Variants in PTPRN2 observed in about 807,000 individuals in gnomAD.
PTPRN2 encodes receptor-type tyrosine-protein phosphatase N2.
In PTPRN2, 74 loss-of-function variants were observed where a neutral mutation model predicts 118.8. That is an observed-to-expected ratio of 0.62 (90% CI 0.52 to 0.76). The LOEUF (loss-of-function observed/expected upper bound fraction) is 0.76. Ranked by LOEUF, PTPRN2 falls within the 30% of genes least tolerant of loss-of-function variation. The pLI is 0.00. For missense variants in PTPRN2, 1,481 were observed against 1,394.4 expected (o/e 1.06, Z -0.99); for synonymous variants, 641 against 608.0 (o/e 1.05, Z -0.80).
At chr7:158,377,576 T>C (rs1220468348) in intron 2 of PTPRN2, among the ~76,000 whole-genome samples, 1 of 152,056 alleles carries the variant, frequency 6.6e-6, no homozygotes, top group Non-Finnish European at 1.5e-5. Flanking sequence ...TGGCTCGGCT[T>C]GGGGGTGGAA....
chr7:158,502,962 TGTCC>T (rs1822478424), intron 1 of PTPRN2, among the ~76,000 whole-genome samples: 1 of 129,616 alleles, frequency 7.7e-6, no homozygotes, highest in Non-Finnish European at 1.6e-5. Flanking sequence ...TCAACTACTG[TGTCC>T]ATCAGCCACT....
rs1800651505 is a variant in PTPRN2, at chr7:157,585,990, A to C, written c.2497-7850T>G. Among the ~76,000 whole-genome samples, 1 of 152,218 alleles carries C rather than the reference A, an allele frequency of 6.6e-6. No individual in the cohort carries two copies. The highest frequency in any genetic ancestry group is 6.5e-5 in the Admixed American group (1 of 15,288). ...ACAAGCTTTGAGGTCATAGGTTTCA[A>C]ACCCAAAATTTAGATAAGGCAACGT... is the stretch of plus-strand genomic sequence containing the variant. On this transcript the variant is annotated intron_variant, in intron 17 of 22. Coordinates refer to ENST00000389418, the MANE Select transcript of PTPRN2 (RefSeq NM_002847.5). The surrounding 1 kb of genome is among the most constrained non-coding windows in gnomAD (Gnocchi z 5.2).
intron 19 of PTPRN2, among the ~76,000 whole-genome samples, chr7:157,573,290 A>T (rs559254182): frequency 2.2e-4 from 33 of 152,382 alleles, no homozygotes; most frequent in African/African-American, 7.5e-4. Flanking sequence ...CTATCAGACC[A>T]AATGGTGAGT....
At chr7:157,713,555 C>T (rs1798757190) in intron 12 of PTPRN2, among the ~76,000 whole-genome samples, 1 of 152,158 alleles carries the variant, frequency 6.6e-6, no homozygotes, top group Non-Finnish European at 1.5e-5. Flanking sequence ...GCAAGAAATG[C>T]CATCAGCAAA....
At chr7:158,241,477 G>A (rs1795902283) in intron 3 of PTPRN2, among the ~76,000 whole-genome samples, 1 of 152,070 alleles carries the variant, frequency 6.6e-6, no homozygotes, top group Non-Finnish European at 1.5e-5. Flanking sequence ...TCACACCACT[G>A]CATTCCAGCC....
intron 12 of PTPRN2, among the ~76,000 whole-genome samples, chr7:157,882,644 C>A (rs1796207063): frequency 1.3e-5 from 2 of 151,632 alleles, no homozygotes; most frequent in Non-Finnish European, 2.9e-5. Flanking sequence ...GAACACACCA[C>A]CCCAAAAAGA....
At chr7:158,095,042 T>G (rs1476506521) in intron 10 of PTPRN2, among the ~76,000 whole-genome samples, 3 of 152,122 alleles carry the variant, frequency 2.0e-5, no homozygotes, top group Non-Finnish European at 4.4e-5. Context: ...GAGGAGCCGC[T>G]GGGTCCTGTA....
At chr7:158,510,443 ACTCTCTCTCT>A (rs10581746) in intron 1 of PTPRN2, among the ~76,000 whole-genome samples, 1,644 of 147,602 alleles carry the variant, frequency 0.011, 25 homozygotes, top group African/African-American at 0.036. Flanking sequence ...GTGTGTGTTT[ACTCTCTCTCT>A]CTCTCTCTCT....
At chr7:158,436,044 A>G (rs1383585434) in intron 2 of PTPRN2, among the ~76,000 whole-genome samples, 4 of 152,236 alleles carry the variant, frequency 2.6e-5, no homozygotes, top group African/African-American at 9.6e-5. Context: ...TGCACTTAAA[A>G]TGTTAAGAGG....
chr7:158,198,333 T>A (rs940555643), intron 4 of PTPRN2, among the ~76,000 whole-genome samples: 1 of 152,248 alleles, frequency 6.6e-6, no homozygotes, highest in Non-Finnish European at 1.5e-5. Context: ...CAGCTTGAAG[T>A]AGGTCAAAAC....
At chr7:158,124,334 T>A (rs59208173) in intron 9 of PTPRN2, among the ~76,000 whole-genome samples, 40,852 of 152,164 alleles carry the variant, frequency 0.27, 5,645 homozygotes, top group South Asian at 0.4. Context: ...CTGGGCCTGG[T>A]TTACAGATGG....
rs796949730 is a variant in PTPRN2, at chr7:157,736,681, C to T, written c.1789-53744G>A. ...TGACTTACACACAGATGCACGCAGACGGCTTGGGGAGCATGGCCAGTGCTT... is the reference window on the plus strand; with the variant it reads ...TGACTTACACACAGATGCACGCAGATGGCTTGGGGAGCATGGCCAGTGCTT... On this transcript the variant is annotated intron_variant, in intron 12 of 22. Coordinates refer to ENST00000389418, the MANE Select transcript of PTPRN2 (RefSeq NM_002847.5). Among the ~76,000 whole-genome samples, 65 of 152,280 alleles carry T rather than the reference C, an allele frequency of 4.3e-4. No homozygotes were observed. In the East Asian group the frequency reaches 4.4e-3, roughly 10 times the overall value.
intron 12 of PTPRN2, among the ~76,000 whole-genome samples, chr7:157,755,453 T>C (rs1334990012): frequency 1.3e-5 from 2 of 152,188 alleles, no homozygotes; most frequent in African/African-American, 4.8e-5. Context: ...TGTTTACAGC[T>C]GTGTCTTCAC....
intron 19 of PTPRN2, among the ~76,000 whole-genome samples, chr7:157,572,479 C>T (rs902765534): frequency 8.5e-5 from 13 of 152,218 alleles, no homozygotes; most frequent in Admixed American, 6.5e-4. Flanking sequence ...TTCCATCAAC[C>T]GGTGCTTTGC....
intron 1 of PTPRN2, among the ~76,000 whole-genome samples, chr7:158,491,366 G>A (rs1352672137): frequency 2.0e-5 from 3 of 152,156 alleles, no homozygotes; most frequent in East Asian, 1.9e-4. Flanking sequence ...CACCACCATC[G>A]CCTGCCAGCA....
intron 2 of PTPRN2, among the ~76,000 whole-genome samples, chr7:158,404,623 C>T (rs1187704070): frequency 6.6e-6 from 1 of 152,096 alleles, no homozygotes; most frequent in Admixed American, 6.5e-5. Flanking sequence ...AAACACAAGC[C>T]AGGGCCTGCA....
At chr7:158,156,764 C>T (rs59064278) in intron 6 of PTPRN2, among the ~76,000 whole-genome samples, 37,691 of 152,236 alleles carry the variant, frequency 0.25, 6,258 homozygotes, top group African/African-American at 0.48. Context: ...GCCCTCAGAG[C>T]GGAAGCATCA....
chr7:158,005,487 AC>A (rs1805574277), intron 11 of PTPRN2, among the ~76,000 whole-genome samples: 2 of 152,170 alleles, frequency 1.3e-5, no homozygotes, highest in African/African-American at 4.8e-5. Flanking sequence ...TAAGCAAAAG[AC>A]CTAAGCTGGT....
At chr7:157,860,416 G>A (rs1022979260) in intron 12 of PTPRN2, among the ~76,000 whole-genome samples, 5 of 152,190 alleles carry the variant, frequency 3.3e-5, no homozygotes, top group South Asian at 2.1e-4. Flanking sequence ...CAGGATCCAC[G>A]TCTTGGTTAT....
Sources: gnomAD v4.1 joint callset for allele counts (sites outside exome capture counted in the v4.1 genomes callset) on GRCh38, gnomAD v4.1.1 for gene constraint, Gnocchi (gnomAD v3.1) non-coding constraint, MANE v1.5 for transcripts, NCBI Gene and HGNC (gene_info 2026-07-23, HGNC 2026-07-21) for gene names.